GALNT13: variants seen among roughly 807,000 people sequenced by gnomAD.
GALNT13 encodes UDP-GalNAc:polypeptide N-acetylgalactosaminyltransferase 13.
A neutral mutation model predicts 64.2 loss-of-function variants in GALNT13; 28 were observed. That is an observed-to-expected ratio of 0.44 (90% CI 0.32 to 0.60). GALNT13 has a LOEUF of 0.60. Ranked by LOEUF, GALNT13 falls within the 20% of genes least tolerant of loss-of-function variation. The pLI, the probability that GALNT13 is intolerant of heterozygous loss-of-function variation, is 0.05. For missense variants in GALNT13, 577 were observed against 669.8 expected, an observed-to-expected ratio of 0.86 and a Z score of 1.53; for synonymous variants, 214 against 224.6, an observed-to-expected ratio of 0.95 and a Z score of 0.42.
chr2:154,343,814 G>T (rs1695908274), intron 9 of GALNT13, among the ~76,000 whole-genome samples: 1 of 152,070 alleles, frequency 6.6e-6, no homozygotes, highest in African/African-American at 2.4e-5. Context: ...AATAGATTAA[G>T]AAAATATTTA....
the GALNT13 span, among the ~76,000 whole-genome samples, chr2:153,308,421 A>G: frequency 1.3e-5 from 2 of 152,166 alleles, no homozygotes; most frequent in African/African-American, 4.8e-5. Flanking sequence ...TATTTAACAA[A>G]TGACACAAGT....
chr2:153,718,200 T>TA, the GALNT13 span, among the ~76,000 whole-genome samples: 1 of 151,548 alleles, frequency 6.6e-6, no homozygotes, highest in Non-Finnish European at 1.5e-5. Context: ...AAAACATGCT[T>TA]AAAAAAAAGC....
the GALNT13 span, among the ~76,000 whole-genome samples, chr2:153,155,040 C>T: frequency 1.3e-5 from 2 of 152,116 alleles, no homozygotes; most frequent in East Asian, 1.9e-4. Context: ...TATTGATTTG[C>T]ATATGTTGAA....
chr2:153,727,784 T>C, the GALNT13 span, among the ~76,000 whole-genome samples: 1 of 152,116 alleles, frequency 6.6e-6, no homozygotes, highest in Admixed American at 6.5e-5. Flanking sequence ...AACATGTAGG[T>C]TTGTTACATA....
rs1194992835 is a variant in GALNT13, at chr2:154,041,009, G to GT, written c.142+96373dup. ...AAAACATAGCAAACACATATACAAA[G>GT]TTTAGTACTGCAGCTAAGGCATGGG... On this transcript the variant is annotated intron_variant, in intron 3 of 12. Coordinates refer to ENST00000392825, the MANE Select transcript of GALNT13 (RefSeq NM_052917.4). Among the ~76,000 whole-genome samples, 3 of 139,534 alleles carry GT rather than the reference G, an allele frequency of 2.2e-5. 1 individual carries two copies. Among genetic ancestry groups the GT allele is most frequent in the Non-Finnish European group, 4.9e-5 (3 of 60,806 alleles). The allele number at this position is 139,534 out of a possible 152,430, so 91.5% of individuals were successfully genotyped here. A position where few individuals can be genotyped will look rare whatever the true frequency, so the allele number is the denominator to read the frequency against.
the GALNT13 span, among the ~76,000 whole-genome samples, chr2:153,283,964 A>G: frequency 6.6e-6 from 1 of 152,164 alleles, no homozygotes; most frequent in East Asian, 1.9e-4. Context: ...CCGAAGCACT[A>G]CAATTTAAGC....
chr2:153,418,318 T>C, the GALNT13 span, among the ~76,000 whole-genome samples: 1 of 152,208 alleles, frequency 6.6e-6, no homozygotes, highest in South Asian at 2.1e-4. Flanking sequence ...CACCGTGATA[T>C]TAGCTCAGTG....
the GALNT13 span, among the ~76,000 whole-genome samples, chr2:153,131,942 T>C: frequency 6.6e-6 from 1 of 151,976 alleles, no homozygotes; most frequent in Admixed American, 6.6e-5. Context: ...TCTAGAAGAG[T>C]GACCTTACTG....
At chr2:154,217,808 C>G (rs777720637) in intron 4 of GALNT13, among the ~76,000 whole-genome samples, 1 of 152,086 alleles carries the variant, frequency 6.6e-6, no homozygotes, top group Non-Finnish European at 1.5e-5. Flanking sequence ...AATATGCTGT[C>G]CTCACAAAAC....
At chr2:154,034,798 G>C (rs529259034) in intron 3 of GALNT13, among the ~76,000 whole-genome samples, 4 of 152,190 alleles carry the variant, frequency 2.6e-5, no homozygotes, top group African/African-American at 9.6e-5. Flanking sequence ...CTGAATAGTA[G>C]TCCATTGAAA....
chr2:153,324,249 T>G, the GALNT13 span, among the ~76,000 whole-genome samples: 1 of 152,218 alleles, frequency 6.6e-6, no homozygotes, highest in Non-Finnish European at 1.5e-5. Flanking sequence ...TTATTATCTT[T>G]GTAGCAATTG....
At chr2:153,281,517 ATTGTTC>A in the GALNT13 span, among the ~76,000 whole-genome samples, 1 of 152,048 alleles carries the variant, frequency 6.6e-6, no homozygotes, top group Non-Finnish European at 1.5e-5. Context: ...GGCAGTAGGT[ATTGTTC>A]TTTCATTTTC....
At chr2:153,875,787 A>G (rs1331365633) in intron 1 of GALNT13, among the ~76,000 whole-genome samples, 1 of 152,240 alleles carries the variant, frequency 6.6e-6, no homozygotes, top group Non-Finnish European at 1.5e-5. Flanking sequence ...ATAATGCTAC[A>G]TATCTCTGTT....
At chr2:153,906,632 A>C (rs1389811516) in intron 2 of GALNT13, among the ~76,000 whole-genome samples, 1 of 151,526 alleles carries the variant, frequency 6.6e-6, no homozygotes, top group African/African-American at 2.4e-5. Flanking sequence ...CATTTTCTTA[A>C]TCCAGTCTAT....
chr2:153,825,608 CTGTG>C, the GALNT13 span, among the ~76,000 whole-genome samples: 2,044 of 134,754 alleles, frequency 0.015, 19 homozygotes, highest in East Asian at 0.039. Context: ...TCCATGAGTG[CTGTG>C]TGTGTGTGTG....
At chr2:153,547,643 T>C in the GALNT13 span, among the ~76,000 whole-genome samples, 2 of 152,234 alleles carry the variant, frequency 1.3e-5, no homozygotes, top group African/African-American at 4.8e-5. Flanking sequence ...GGAGCTTATG[T>C]TCTCATGAAT....
the GALNT13 span, among the ~76,000 whole-genome samples, chr2:153,181,759 T>C: frequency 6.9e-6 from 1 of 145,654 alleles, no homozygotes; most frequent in Non-Finnish European, 1.5e-5. Flanking sequence ...TATTTATATG[T>C]ATATAATACA....
chr2:153,644,933 T>G, the GALNT13 span, among the ~76,000 whole-genome samples: 3 of 152,296 alleles, frequency 2.0e-5, no homozygotes, highest in South Asian at 6.2e-4. Flanking sequence ...TATGATATCC[T>G]ACATATGCCT....
At chr2:153,601,391 TAAGA>T in the GALNT13 span, among the ~76,000 whole-genome samples, 1 of 151,770 alleles carries the variant, frequency 6.6e-6, no homozygotes, top group Non-Finnish European at 1.5e-5. Flanking sequence ...CAAACTATAA[TAAGA>T]AAGAACTTGT....
Sources: gnomAD v4.1 joint callset for allele counts (sites outside exome capture counted in the v4.1 genomes callset) on GRCh38, gnomAD v4.1.1 for gene constraint, MANE v1.5 for transcripts, NCBI Gene and HGNC (gene_info 2026-07-23, HGNC 2026-07-21) for gene names.